AGR2: variants seen among roughly 807,000 people sequenced by gnomAD.
AGR2 encodes the protein anterior gradient protein 2 homolog.
Under a neutral mutation model 25.9 loss-of-function variants are expected in AGR2, and 27 were observed. That is an observed-to-expected ratio of 1.04 (90% CI 0.77 to 1.44). The LOEUF (loss-of-function observed/expected upper bound fraction) is 1.44. Ranked by LOEUF, AGR2 falls within the 40% of genes most tolerant of loss-of-function variation. AGR2 has a pLI of 0.00. For missense variants in AGR2, 182 were observed against 200.9 expected (o/e 0.91, Z 0.57); for synonymous variants, 78 against 72.0 (o/e 1.08, Z -0.42).
intron 5 of AGR2, 136 bp from the exon 6 acceptor site, chr7:16,797,830 C>T (rs2280655): frequency 0.067 from 43,282 of 641,504 alleles, 3,358 homozygotes; most frequent in African/African-American, 0.29. Context: ...GTTTATTGTA[C>T]AGATGAGGAG....
intron 7 of AGR2, 172 bp downstream of exon 7, chr7:16,794,764 A>T: frequency 6.8e-7 from 1 of 1,467,478 alleles, no homozygotes; most frequent in Non-Finnish European, 9.1e-7. Flanking sequence ...CAAACCTGAG[A>T]TGGAAAGAGT....
chr7:16,799,844 C>A, intron 4 of AGR2, 27 bp from the exon 5 acceptor site: 3 of 1,486,296 alleles, frequency 2.0e-6, no homozygotes, highest in Non-Finnish European at 2.8e-6. Flanking sequence ...AATCATTAAG[C>A]ATCCATCTTA....
At position 16,801,361 on chromosome 7, in the gene AGR2, C is replaced by G. The variant is rs571982598; in HGVS notation, c.162G>C (p.Trp54Cys). The G allele has an allele frequency of 1.2e-6, 2 of 1,613,560 alleles. No individual in the cohort carries two copies. The highest frequency in any genetic ancestry group is 1.7e-6 in the Non-Finnish European group (2 of 1,179,794). Residue 54 changes from tryptophan to cysteine, a missense_variant, in exon 3 of 8, where the codon TGG (tryptophan) becomes TGC (cysteine). Coordinates refer to ENST00000419304, the MANE Select transcript of AGR2 (RefSeq NM_006408.4). ...ATAGAGCTTCTTCATATGTCTGAGT[C>G]CAGATGAGTTGGTCACCCCAACCTA... ...LSRGWGDQLI[W>C]TQTYEEALYK...
chr7:16,797,561 G>A (rs940456787), intron 6 of AGR2, 70 bp downstream of exon 6: 2 of 1,401,316 alleles, frequency 1.4e-6, no homozygotes, highest in African/African-American at 1.4e-5. Context: ...AAGGGACAGT[G>A]GGGAGGAGAG....
intron 7 of AGR2, among the ~76,000 whole-genome samples, chr7:16,794,425 G>GTCTC (rs35771196): frequency 5.3e-5 from 8 of 151,174 alleles, no homozygotes; most frequent in African/African-American, 1.9e-4. Context: ...TTAAGTCAGT[G>GTCTC]TCTCTCTCTC....
intron 1 of AGR2, among the ~76,000 whole-genome samples, chr7:16,802,547 G>T (rs1785166357): frequency 6.6e-6 from 1 of 152,176 alleles, no homozygotes; most frequent in Non-Finnish European, 1.5e-5. Flanking sequence ...TCTATTGGAA[G>T]TAAAAACCAG....
In AGR2 at chr7:16,801,517, A is replaced by G. The variant is rs1785143839; in HGVS notation, c.140-134T>C. On this transcript the variant is annotated intron_variant, in intron 2 of 7. Transcript: ENST00000419304. ...AAAAACCCCTGGAGAAAGTAGAAAT[A>G]ATTATAAACAGTGATAAGTCTAGAA... 3 of 1,348,894 alleles carry G rather than the reference A, an allele frequency of 2.2e-6. No individual in the cohort carries two copies. The East Asian group carries it at 6.9e-5, about 31-fold the overall frequency. The allele number at this position is 1,348,894 out of a possible 1,614,324, so 83.6% of individuals were successfully genotyped here. A position where few individuals can be genotyped will look rare whatever the true frequency, so the allele number is the denominator to read the frequency against.
At chr7:16,799,226 A>AT (rs1002401039) in intron 5 of AGR2, among the ~76,000 whole-genome samples, 27 of 152,162 alleles carry the variant, frequency 1.8e-4, no homozygotes, top group Non-Finnish European at 3.2e-4. Flanking sequence ...AGGTAGAGTC[A>AT]TTTTTTTGTT....
Position 16,801,319 on chromosome 7 carries a change from C to T in AGR2, c.203+1G>A. On this transcript the variant is annotated splice_donor_variant, in intron 3 of 7. Transcript: ENST00000419304. LOFTEE classifies it high-confidence loss of function. The stretch of plus-strand genomic sequence containing the variant: ...GAGCTCTGAGTAATCCTGATCTTTA[C>T]CTTGTCTTGGATTTATATAGAGCTT... 6.2e-7 allele frequency: 1 copy of T among 1,613,622 alleles called. No individual in the cohort carries two copies. The highest frequency in any genetic ancestry group is 8.5e-7 in the Non-Finnish European group (1 of 1,179,746).
intron 5 of AGR2, among the ~76,000 whole-genome samples, chr7:16,798,498 C>T (rs1313857092): frequency 9.9e-5 from 15 of 152,082 alleles, no homozygotes; most frequent in Admixed American, 9.8e-4. Flanking sequence ...GCACACCATG[C>T]CATAGTGTTT....
intron 6 of AGR2, among the ~76,000 whole-genome samples, chr7:16,796,101 C>CA (rs34474135): frequency 0.38 from 57,811 of 152,004 alleles, 12,715 homozygotes; most frequent in Middle Eastern, 0.51. Context: ...CTCCCACCCC[C>CA]AGAGATTCTG....
At chr7:16,793,771 G>A (rs73073541) in intron 7 of AGR2, among the ~76,000 whole-genome samples, 9,996 of 152,262 alleles carry the variant, frequency 0.066, 450 homozygotes, top group East Asian at 0.17. Context: ...TGGAGCTACT[G>A]TTCCAGAGCC....
intron 5 of AGR2, 87 bp downstream of exon 5, chr7:16,799,657 A>G (rs761847757): frequency 7.9e-5 from 73 of 919,684 alleles, no homozygotes; most frequent in Non-Finnish European, 1.2e-4. Flanking sequence ...TTAATGCAGT[A>G]TAACTAAGAT....
chr7:16,801,394 A>G lies in AGR2; in HGVS notation c.140-11T>C, dbSNP rs779016220. ...GTTGGTCACCCCAACCTAGAATGAA[A>G]TGAATCAGTATATTTGAAGCTTGTA... On this transcript the variant is annotated splice_polypyrimidine_tract_variant and intron_variant, in intron 2 of 7. Transcript: ENST00000419304. 8.1e-6 allele frequency: 13 copies of G among 1,610,216 alleles called. No homozygotes were observed. Among genetic ancestry groups the G allele is most frequent in the East Asian group, 4.5e-5 (2 of 44,850 alleles).
At chr7:16,801,113 AG>A in intron 4 of AGR2, 37 bp downstream of exon 4, 3 of 1,580,030 alleles carry the variant, frequency 1.9e-6, no homozygotes, top group Non-Finnish European at 2.6e-6. Context: ...TAAGGCTAAA[AG>A]CCTATAAAGG....
rs115791204 is a variant in AGR2, at chr7:16,797,944, G to C, written c.331-250C>G. 7.3e-3 allele frequency among the ~76,000 whole-genome samples: 1,108 copies of C among 152,290 alleles called. 9 individuals are homozygous for C. Among genetic ancestry groups the C allele is most frequent in the African/African-American group, 0.025 (1,033 of 41,556 alleles). On this transcript the variant is annotated intron_variant, in intron 5 of 7. Coordinates refer to ENST00000419304, the MANE Select transcript of AGR2 (RefSeq NM_006408.4). ...AAAAAATTAAGGGAGAATTTGGAAG[G>C]AGTTACTGTGTTTGGGGAAGACATC...
At position 16,792,832 on chromosome 7, in the gene AGR2, A is replaced by C; in HGVS notation, c.*76T>G. 8.0e-7 allele frequency: 1 copy of C among 1,245,990 alleles called. No homozygotes were observed. The allele number at this position is 1,245,990 out of a possible 1,614,324, so 77.2% of individuals were successfully genotyped here. On this transcript the variant is annotated 3_prime_UTR_variant, in exon 8 of 8. Transcript: ENST00000419304. ...AGTGTGTTCACTATGCTTCCACACT[A>C]GCCAGTCTTCTCACACTTCTTCTGG...
chr7:16,793,012 T>G, intron 7 of AGR2, 55 bp from the exon 8 acceptor site: 2 of 1,505,840 alleles, frequency 1.3e-6, no homozygotes, highest in Non-Finnish European at 1.8e-6. Context: ...TATATCGATA[T>G]AATAAACCCC....
intron 4 of AGR2, among the ~76,000 whole-genome samples, chr7:16,800,307 G>A (rs1001400215): frequency 6.6e-6 from 1 of 152,202 alleles, no homozygotes; most frequent in Non-Finnish European, 1.5e-5. Context: ...GTGAGGGAGT[G>A]GTCCATTTTG....
Sources: gnomAD v4.1 joint callset for allele counts (sites outside exome capture counted in the v4.1 genomes callset) on GRCh38, gnomAD v4.1.1 for gene constraint, MANE v1.5 for transcripts, NCBI Gene and HGNC (gene_info 2026-07-23, HGNC 2026-07-21) for gene names.